DDX10: variants seen among roughly 807,000 people sequenced by gnomAD.
The protein encoded by DDX10 is DEAD-box helicase 10.
A neutral mutation model predicts 104.3 loss-of-function variants in DDX10; 74 were observed. That is an observed-to-expected ratio of 0.71 (90% CI 0.59 to 0.86). The LOEUF (loss-of-function observed/expected upper bound fraction) is 0.86. Ranked by LOEUF, DDX10 falls within the 40% of genes least tolerant of loss-of-function variation. The pLI is 0.00. For synonymous variants in DDX10, 351 were observed against 353.4 expected (o/e 0.99, Z 0.08); for missense variants, 952 against 1,040.0 (o/e 0.92, Z 1.16).
chr11:108,910,078 CAA>C (rs747161005), intron 16 of DDX10, among the ~76,000 whole-genome samples: 30 of 75,160 alleles, frequency 4.0e-4, no homozygotes, highest in Admixed American at 6.1e-4. Context: ...ATATTCTAGG[CAA>C]AAAAAAAAAA....
intron 6 of DDX10, among the ~76,000 whole-genome samples, chr11:108,682,650 C>A (rs1381972462): frequency 1.3e-5 from 2 of 152,082 alleles, no homozygotes; most frequent in Non-Finnish European, 2.9e-5. Context: ...TATTTTAATT[C>A]CACGTGTATC....
At position 108,940,614 on chromosome 11, in the gene DDX10, C is replaced by T. The variant is rs1864097415; in HGVS notation, c.*191C>T. 1 of 511,526 alleles carries T rather than the reference C, an allele frequency of 2.0e-6. No individual in the cohort carries two copies. Among genetic ancestry groups the T allele is most frequent in the African/African-American group, 1.9e-5 (1 of 52,198 alleles). The allele number at this position is 511,526 out of a possible 1,614,324, so 31.7% of individuals were successfully genotyped here. ...GCTTTGTGCCATCACTGAGCATACT[C>T]AGATCGAGGGTGGATGATACCATTT... On this transcript the variant is annotated 3_prime_UTR_variant, in exon 18 of 18. Transcript: ENST00000322536.
chr11:108,828,314 T>TC (rs1248310627), intron 13 of DDX10, among the ~76,000 whole-genome samples: 5 of 151,988 alleles, frequency 3.3e-5, no homozygotes, highest in African/African-American at 9.7e-5. Flanking sequence ...CCCAACCCTT[T>TC]CCCCCGAGTC....
intron 15 of DDX10, among the ~76,000 whole-genome samples, chr11:108,849,354 A>G (rs1243050521): frequency 6.6e-6 from 1 of 152,116 alleles, no homozygotes; most frequent in Non-Finnish European, 1.5e-5. Flanking sequence ...AATCACGCAA[A>G]GGAATATACT....
At chr11:108,855,315 C>T (rs1300830019) in intron 16 of DDX10, among the ~76,000 whole-genome samples, 1 of 152,034 alleles carries the variant, frequency 6.6e-6, no homozygotes, top group East Asian at 1.9e-4. Flanking sequence ...CTTTGAGGGT[C>T]ACAAGTGCTA....
intron 17 of DDX10, among the ~76,000 whole-genome samples, chr11:108,931,141 C>A (rs182920237): frequency 1.3e-5 from 2 of 152,194 alleles, no homozygotes; most frequent in East Asian, 1.9e-4. Flanking sequence ...AAGACCGTAT[C>A]TCAGGGGGTC....
intron 12 of DDX10, among the ~76,000 whole-genome samples, chr11:108,721,204 C>G (rs560838565): frequency 5.9e-4 from 89 of 152,048 alleles, no homozygotes; most frequent in Non-Finnish European, 8.5e-4. Flanking sequence ...TTTACCATAA[C>G]AGGTAATATG....
intron 16 of DDX10, among the ~76,000 whole-genome samples, chr11:108,892,953 G>T (rs1863395864): frequency 6.6e-6 from 1 of 151,938 alleles, no homozygotes; most frequent in Non-Finnish European, 1.5e-5. Flanking sequence ...CTTTCCCTTT[G>T]CCCTGTAAGT....
chr11:108,918,822 A>G (rs1863787350), intron 17 of DDX10: 1 of 152,220 alleles, frequency 6.6e-6, no homozygotes, highest in Non-Finnish European at 1.5e-5. Flanking sequence ...TTACATTAAG[A>G]GTTTATTGAT....
chr11:108,875,307 C>G (rs989761534), intron 16 of DDX10, among the ~76,000 whole-genome samples: 1 of 152,122 alleles, frequency 6.6e-6, no homozygotes, highest in Admixed American at 6.5e-5. Flanking sequence ...AGCTCTTTAT[C>G]TCTATTGAGA....
intron 13 of DDX10, among the ~76,000 whole-genome samples, chr11:108,790,740 G>A (rs1353976845): frequency 2.0e-5 from 3 of 151,104 alleles, no homozygotes; most frequent in African/African-American, 7.3e-5. Flanking sequence ...CAGAATTTGT[G>A]CCACTTCATG....
intron 15 of DDX10, among the ~76,000 whole-genome samples, chr11:108,846,467 G>A (rs537506100): frequency 2.6e-5 from 4 of 152,174 alleles, no homozygotes; most frequent in South Asian, 4.1e-4. Context: ...ACCATTCTAC[G>A]CTCTACTTCT....
In DDX10 at chr11:108,777,134, A is replaced by G. The variant is rs1327857327; in HGVS notation, c.1965+53672A>G. On this transcript the variant is annotated intron_variant, in intron 13 of 17. Coordinates refer to ENST00000322536, the MANE Select transcript of DDX10 (RefSeq NM_004398.4). ...CTGCAGCATGATTTCCTTCTTTCCT[A>G]AGGCTGTCCTTCAGTTTCTGCCTGA... Among the ~76,000 whole-genome samples, 8 of 152,164 alleles carry G rather than the reference A, an allele frequency of 5.3e-5. No homozygotes were observed. In the East Asian group the frequency reaches 1.5e-3, roughly 29 times the overall value.
chr11:108,685,287 C>T (rs1305111433), intron 6 of DDX10, among the ~76,000 whole-genome samples: 5 of 150,794 alleles, frequency 3.3e-5, no homozygotes, highest in Non-Finnish European at 7.4e-5. Context: ...TGGGAGTGAC[C>T]CGATTTTCCA....
intron 13 of DDX10, among the ~76,000 whole-genome samples, chr11:108,833,796 T>G (rs887179778): frequency 2.6e-5 from 4 of 152,238 alleles, no homozygotes; most frequent in Non-Finnish European, 4.4e-5. Flanking sequence ...TTTGGTTTCA[T>G]TTTTCTGATT....
chr11:108,900,500 T>C (rs1280878348), intron 16 of DDX10, among the ~76,000 whole-genome samples: 3 of 152,236 alleles, frequency 2.0e-5, no homozygotes, highest in African/African-American at 7.2e-5. Flanking sequence ...TGTCACTGAC[T>C]GAGTGCCTGC....
intron 13 of DDX10, among the ~76,000 whole-genome samples, chr11:108,725,231 T>G (rs1056394705): frequency 3.3e-5 from 5 of 152,140 alleles, no homozygotes; most frequent in African/African-American, 7.2e-5. Flanking sequence ...TGGCATTGGT[T>G]GTTTCCATTT....
intron 13 of DDX10, among the ~76,000 whole-genome samples, chr11:108,762,081 C>T (rs2094351496): frequency 1.3e-5 from 2 of 152,076 alleles, no homozygotes; most frequent in Non-Finnish European, 2.9e-5. Context: ...TAATAGCTGA[C>T]AGGAGGAGGT....
chr11:108,714,278 C>T (rs1321767103), intron 10 of DDX10, among the ~76,000 whole-genome samples: 1 of 152,180 alleles, frequency 6.6e-6, no homozygotes, highest in African/African-American at 2.4e-5. Flanking sequence ...TTGAGGGTCT[C>T]TCACCCAGGC....
Sources: allele counts gnomAD v4.1 joint callset (sites outside exome capture counted in the v4.1 genomes callset), GRCh38; gene constraint gnomAD v4.1.1; transcripts MANE v1.5; gene names NCBI Gene and HGNC (gene_info 2026-07-23, HGNC 2026-07-21).